Variants in DNAH2 observed in about 807,000 individuals in gnomAD.
The protein encoded by DNAH2 is dynein axonemal heavy chain 2.
Under a neutral mutation model 523.5 loss-of-function variants are expected in DNAH2, and 323 were observed. The ratio of observed to expected loss-of-function variants is 0.62; its 90% CI spans 0.56 to 0.68. The LOEUF is 0.68. Ranked by LOEUF, DNAH2 falls within the 30% of genes least tolerant of loss-of-function variation. The probability of loss-of-function intolerance (pLI) is 0.00; values close to 1 mark genes in which losing one functional copy is unlikely to be tolerated. For missense variants in DNAH2, 4,907 were observed against 5,701.5 expected (o/e 0.86, Z 4.49); for synonymous variants, 2,093 against 2,177.4 (o/e 0.96, Z 1.08).
chr17:7,773,153 C>T (rs994904305), intron 28 of DNAH2, among the ~76,000 whole-genome samples: 11 of 152,192 alleles, frequency 7.2e-5, no homozygotes, highest in African/African-American at 2.7e-4. Flanking sequence ...ATTGACATGA[C>T]AGTAAGTGAA....
Position 7,754,968 on chromosome 17 carries a change from A to T in DNAH2, c.1905-2123A>T, listed in dbSNP as rs2075796061. ...TTGGTACAAATAAGCCTGAGGCAGA[A>T]AAAAAAAAAAAAAGAATAGGCAGCC... On this transcript the variant is annotated intron_variant, in intron 12 of 85. Coordinates refer to ENST00000572933, the MANE Select transcript of DNAH2 (RefSeq NM_020877.5). The surrounding 1 kb of genome is among the most constrained non-coding windows in gnomAD (Gnocchi z 4.6). 3.3e-6 allele frequency: 1 copy of T among 298,646 alleles called. No individual in the cohort carries two copies. Among genetic ancestry groups the T allele is most frequent in the Non-Finnish European group, 6.1e-6 (1 of 164,510 alleles). 18.5% of individuals were successfully genotyped at this position (298,646 alleles called of 1,614,324 possible). A position where few individuals can be genotyped will look rare whatever the true frequency, so the allele number is the denominator to read the frequency against.
In DNAH2 at chr17:7,807,328, G is replaced by A. The variant is rs772331669; in HGVS notation, c.9612+9G>A. On this transcript the variant is annotated intron_variant, in intron 62 of 85. Transcript: ENST00000572933. This position sits in a 1 kb window ranked among gnomAD's most constrained non-coding sequence, Gnocchi z 5.6. Reference sequence around the variant, plus strand: ...GGGTGCGGGCCATGGAGGTAAAGGCGTCAGGGCTGGGGCGGGGCGGTAGGG... The same window carrying A: ...GGGTGCGGGCCATGGAGGTAAAGGCATCAGGGCTGGGGCGGGGCGGTAGGG... The A allele has an allele frequency of 5.0e-6, 8 of 1,611,094 alleles. No homozygotes were observed. Among genetic ancestry groups the A allele is most frequent in the African/African-American group, 1.3e-5 (1 of 74,988 alleles).
chr17:7,801,647 A>G lies in DNAH2; in HGVS notation c.8769A>G (p.Gln2923=). ...TTINWFSEWP[Q]EALLEVAEKC... ...TCAACTGGTTCTCAGAGTGGCCCCA[A>G]GAGGCCCTGCTCGAGGTGGCTGAGA... The change falls in exon 57 of 86, where the codon CAA becomes CAG. Residue 2923 remains glutamine, a synonymous_variant. Transcript: ENST00000572933. The G allele has an allele frequency of 6.2e-7, 1 of 1,614,172 alleles. No individual in the cohort carries two copies. The highest frequency in any genetic ancestry group is 8.5e-7 in the Non-Finnish European group (1 of 1,180,010).
chr17:7,728,519 C>T (rs753074465), intron 4 of DNAH2, among the ~76,000 whole-genome samples: 4 of 152,014 alleles, frequency 2.6e-5, no homozygotes, highest in Admixed American at 6.6e-5. Context: ...AGATTTCATT[C>T]GCAAAAGGAA....
chr17:7,759,413 T>C lies in DNAH2; in HGVS notation c.2449-9T>C, dbSNP rs201093625. On this transcript the variant is annotated splice_polypyrimidine_tract_variant and intron_variant, in intron 15 of 85. Coordinates refer to ENST00000572933, the MANE Select transcript of DNAH2 (RefSeq NM_020877.5). ...AAAAGTTCTCTTTTTCCTCCCTCCA[T>C]CCCATCAGATTCAGCAGCAGTGGAT... The C allele has an allele frequency of 5.7e-5, 92 of 1,604,490 alleles. No homozygotes were observed. The highest frequency in any genetic ancestry group is 6.6e-5 in the Non-Finnish European group (78 of 1,173,812).
rs574857821 is a variant in DNAH2 at position 7,737,005 on chromosome 17, A to G, written c.979-62A>G. 7 of 1,400,720 alleles carry G rather than the reference A, an allele frequency of 5.0e-6. No homozygotes were observed. The South Asian group carries it at 9.0e-5, about 18-fold the overall frequency. The allele number at this position is 1,400,720 out of a possible 1,614,324, so 86.8% of individuals were successfully genotyped here. ...CTAAAATAAATAAATAAATAAAAGC[A>G]CTTGTGTTGAATCAGTGCTTTCTAG... On this transcript the variant is annotated intron_variant, in intron 7 of 85. Coordinates refer to ENST00000572933, the MANE Select transcript of DNAH2 (RefSeq NM_020877.5).
At chr17:7,763,699 G>T in intron 18 of DNAH2, 132 bp from the exon 19 acceptor site, 1 of 1,001,618 alleles carries the variant, frequency 1.0e-6, no homozygotes, top group East Asian at 2.4e-5. Context: ...AGGGATGCCT[G>T]GGAGTAGAAG....
chr17:7,740,588 C>A, intron 10 of DNAH2, 39 bp downstream of exon 10: 1 of 1,607,356 alleles, frequency 6.2e-7, no homozygotes. Context: ...TCCCGTCCCG[C>A]GTGCTTTCCT....
At chr17:7,737,725 T>G (rs1345516597) in intron 8 of DNAH2, among the ~76,000 whole-genome samples, 1 of 152,136 alleles carries the variant, frequency 6.6e-6, no homozygotes, top group Non-Finnish European at 1.5e-5. Context: ...GAGACCTTGC[T>G]GGGCAGGGTG....
Position 7,779,351 on chromosome 17 carries a change from A to G in DNAH2, c.5650A>G (p.Thr1884Ala). Residue 1884 changes from threonine to alanine, a missense_variant, in exon 36 of 86, where the codon ACC becomes GCC. Physicochemically the swap from Thr to Ala is moderately conservative, Grantham distance 58 (BLOSUM62 0). Coordinates refer to ENST00000572933, the MANE Select transcript of DNAH2 (RefSeq NM_020877.5). The part of the protein sequence containing the change: ...CILSALAAGL[T>A]HFHFDGFEIN... Reference sequence around the variant, plus strand: ...CCTGTCTGCCCTGGCTGCCGGCCTCACCCATTTCCATTTTGATGGCTTTGA... The same window carrying G: ...CCTGTCTGCCCTGGCTGCCGGCCTCGCCCATTTCCATTTTGATGGCTTTGA... 6.2e-7 allele frequency: 1 copy of G among 1,614,074 alleles called. No homozygotes were observed. The highest frequency in any genetic ancestry group is 2.2e-5 in the East Asian group (1 of 44,892).
intron 3 of DNAH2, among the ~76,000 whole-genome samples, chr17:7,726,719 A>G (rs528565020): frequency 9.2e-5 from 14 of 152,052 alleles, no homozygotes; most frequent in Non-Finnish European, 2.1e-4. Flanking sequence ...AATTGCTCCT[A>G]TACCCTCTCC....
At chr17:7,747,078 C>G (rs1378118018) in intron 12 of DNAH2, among the ~76,000 whole-genome samples, 3 of 151,118 alleles carry the variant, frequency 2.0e-5, no homozygotes, top group Non-Finnish European at 4.4e-5. Context: ...CCATGATTAT[C>G]ATGTAATCAA....
chr17:7,789,992 C>T (rs904511688), intron 44 of DNAH2, among the ~76,000 whole-genome samples: 2 of 152,186 alleles, frequency 1.3e-5, no homozygotes, highest in Non-Finnish European at 2.9e-5. Context: ...CTCAAGCGCT[C>T]TCCACCCACG....
intron 16 of DNAH2, 37 bp from the exon 17 acceptor site, chr17:7,759,754 A>G (rs1266948519): frequency 2.5e-5 from 40 of 1,613,508 alleles, no homozygotes; most frequent in Non-Finnish European, 3.1e-5. Flanking sequence ...TCCCAGTCCT[A>G]AGGCTTTTCT....
Position 7,831,435 on chromosome 17 carries a change from A to G in DNAH2, c.12505A>G (p.Ile4169Val), listed in dbSNP as rs989146530. ...TGTGAAGCAGAAGATCCCTGAAATG[A>G]TCGACTATGAGGGGACTCAAAAACT... ...ADVKQKIPEM[I>V]DYEGTQKLLA... The change falls in exon 81 of 86, where the codon ATC (isoleucine) becomes GTC (valine). Residue 4169 changes from isoleucine to valine, a missense_variant. Coordinates refer to ENST00000572933, the MANE Select transcript of DNAH2 (RefSeq NM_020877.5). The surrounding 1 kb of genome is among the most constrained non-coding windows in gnomAD (Gnocchi z 4.2). The G allele has an allele frequency of 6.2e-7, 1 of 1,613,982 alleles. No homozygotes were observed. The highest frequency in any genetic ancestry group is 1.3e-5 in the African/African-American group (1 of 74,892).
At chr17:7,737,885 A>G (rs145580804) in intron 8 of DNAH2, 8 of 682,002 alleles carry the variant, frequency 1.2e-5, no homozygotes, top group Non-Finnish European at 1.9e-5. Flanking sequence ...TGAGACATGA[A>G]GCACGGGCAG....
chr17:7,830,458 CATCATCT>C lies in DNAH2; in HGVS notation c.12015_12021del (p.Ile4005MetfsTer15). On this transcript the variant is annotated frameshift_variant, in exon 78 of 86. Transcript: ENST00000572933. LOFTEE classifies it high-confidence loss of function. The stretch of plus-strand genomic sequence containing the variant: ...AAAAGTTCCTGCAGCTTGGCTGGAA[CATCATCT>C]ATGGCTTCAATGACTCCGACTTTGA... 6.2e-7 allele frequency: 1 copy of C among 1,614,228 alleles called. No individual in the cohort carries two copies. The highest frequency in any genetic ancestry group is 8.5e-7 in the Non-Finnish European group (1 of 1,180,050).
rs188773436 is a variant in DNAH2, at chr17:7,810,496, C to T, written c.9729+2910C>T. Among the ~76,000 whole-genome samples the T allele has an allele frequency of 9.9e-3, 1,504 of 152,322 alleles. 12 individuals carry two copies. The highest frequency in any genetic ancestry group is 0.015 in the Non-Finnish European group (1,034 of 68,032). On this transcript the variant is annotated intron_variant, in intron 63 of 85. Coordinates refer to ENST00000572933, the MANE Select transcript of DNAH2 (RefSeq NM_020877.5). ...TTCTGCCTCCCAGATTCAAGTGATT[C>T]TCCTGCCTCAGCCTCCCGAGTAGCT... is the stretch of plus-strand genomic sequence containing the variant.
In DNAH2 at chr17:7,823,597, C is replaced by T. The variant is rs773185708; in HGVS notation, c.11298C>T (p.Thr3766=). 13 of 1,614,014 alleles carry T rather than the reference C, an allele frequency of 8.1e-6. No individual in the cohort carries two copies. The change falls in exon 74 of 86, where the codon ACC becomes ACT. Residue 3766 remains threonine, a synonymous_variant. Coordinates refer to ENST00000572933, the MANE Select transcript of DNAH2 (RefSeq NM_020877.5). ...QYPRDWHLWY[T]NAAPEKAMLP... is the part of the protein sequence containing the mutation. ...CTCGTGACTGGCACCTGTGGTATACCAATGCTGCCCCGGAGAAGGCGATGC... is the reference window on the plus strand; with the variant it reads ...CTCGTGACTGGCACCTGTGGTATACTAATGCTGCCCCGGAGAAGGCGATGC...
Sources: allele counts gnomAD v4.1 joint callset (sites outside exome capture counted in the v4.1 genomes callset), GRCh38; gene constraint gnomAD v4.1.1; non-coding constraint Gnocchi (gnomAD v3.1); transcripts MANE v1.5; gene names NCBI Gene and HGNC (gene_info 2026-07-23, HGNC 2026-07-21).